RHEX: variants seen among roughly 807,000 people sequenced by gnomAD.
RHEX encodes the protein regulator of hemoglobinization and erythroid cell expansion.
RHEX carries 18 observed loss-of-function variants against 20.1 expected under a neutral mutation model. The observed-to-expected ratio is 0.90, with a 90% confidence interval of 0.62 to 1.33. The LOEUF is 1.33. Among genes scored for constraint, RHEX ranks in the 40% most tolerant of loss-of-function variants. The pLI, the probability that RHEX is intolerant of heterozygous loss-of-function variation, is 0.00. For synonymous variants in RHEX, 87 were observed against 77.1 expected (o/e 1.13, Z -0.67); for missense variants, 192 against 214.3 (o/e 0.90, Z 0.65).
At chr1:206,070,702 C>A (rs890289214) in intron 1 of RHEX, among the ~76,000 whole-genome samples, 8 of 152,116 alleles carry the variant, frequency 5.3e-5, no homozygotes, top group African/African-American at 1.9e-4. Flanking sequence ...AAGCAGACTG[C>A]CTTTAGTTGG....
At chr1:206,080,222 T>G (rs1456975634) in intron 1 of RHEX, 2 of 152,092 alleles carry the variant, frequency 1.3e-5, no homozygotes, top group East Asian at 3.8e-4. Context: ...GCATAGAGAG[T>G]AGGGTTTTTT....
intron 1 of RHEX, among the ~76,000 whole-genome samples, chr1:206,074,731 C>A (rs576612044): frequency 3.9e-5 from 6 of 152,318 alleles, no homozygotes; most frequent in African/African-American, 1.2e-4. Flanking sequence ...AAAGCTGGAA[C>A]TTTTTGGGTG....
intron 1 of RHEX, among the ~76,000 whole-genome samples, chr1:206,062,942 G>C (rs1662333930): frequency 6.6e-6 from 1 of 152,158 alleles, no homozygotes; most frequent in African/African-American, 2.4e-5. Context: ...TTACCTTCTA[G>C]AACGAACAAA....
chr1:206,055,113 C>T (rs1553282420), intron 1 of RHEX, among the ~76,000 whole-genome samples: 2 of 152,142 alleles, frequency 1.3e-5, no homozygotes, highest in South Asian at 2.1e-4. Context: ...TGCAGGGTAG[C>T]TATTTTCCAG....
intron 4 of RHEX, among the ~76,000 whole-genome samples, 190 bp downstream of exon 4, chr1:206,099,988 C>A (rs1663156331): frequency 6.6e-6 from 1 of 152,204 alleles, no homozygotes; most frequent in Non-Finnish European, 1.5e-5. Context: ...TGGGGAAGAT[C>A]ATTCTGAGTT....
In RHEX at chr1:206,053,232, A is replaced by C. The variant is rs1220515984; in HGVS notation, c.-130A>C. On this transcript the variant is annotated 5_prime_UTR_variant, in exon 1 of 6. Transcript: ENST00000331555. ...ACACAGTGGCTGAACACCGGGAAGG[A>C]ACTGGCACTTGGAGTCCGGACATCT... 6.5e-6 allele frequency: 1 copy of C among 152,776 alleles called. No individual in the cohort carries two copies. The highest frequency in any genetic ancestry group is 1.5e-5 in the Non-Finnish European group (1 of 68,474). The allele number at this position is 152,776 out of a possible 1,614,324, so 9.5% of individuals were successfully genotyped here.
At chr1:206,065,638 A>T (rs1379155160) in intron 1 of RHEX, among the ~76,000 whole-genome samples, 1 of 152,154 alleles carries the variant, frequency 6.6e-6, no homozygotes. Flanking sequence ...AATGGGCATG[A>T]TAGTTAGAGG....
intron 1 of RHEX, among the ~76,000 whole-genome samples, chr1:206,091,356 C>T (rs1440146107): frequency 6.6e-6 from 1 of 151,934 alleles, no homozygotes; most frequent in African/African-American, 2.4e-5. Context: ...CAGCATACAC[C>T]CTTGCTCTCA....
intron 1 of RHEX, among the ~76,000 whole-genome samples, chr1:206,086,737 G>T (rs931009867): frequency 6.6e-6 from 1 of 152,152 alleles, no homozygotes; most frequent in Admixed American, 6.5e-5. Flanking sequence ...GGCTGGGCAC[G>T]GTGGCTCACA....
At position 206,080,003 on chromosome 1, in the gene RHEX, G is replaced by A. The variant is rs145602137; in HGVS notation, c.-96-17730G>A. 6.1e-3 allele frequency among the ~76,000 whole-genome samples: 929 copies of A among 152,284 alleles called. 11 individuals carry two copies. The highest frequency in any genetic ancestry group is 0.018 in the South Asian group (89 of 4,826). ...CAGAAATACAGTTAAAAGGGCATGC[G>A]GCTACCAGAGGGGGCAAGCCTTATA... On this transcript the variant is annotated intron_variant, in intron 1 of 5. Transcript: ENST00000331555.
intron 1 of RHEX, among the ~76,000 whole-genome samples, chr1:206,066,151 C>G (rs561169221): frequency 6.6e-6 from 1 of 152,342 alleles, no homozygotes; most frequent in Admixed American, 6.5e-5. Flanking sequence ...CCTCCAGAGC[C>G]CTGGTCTTTA....
At chr1:206,097,610 CTGAAGCAAGTA>C in intron 1 of RHEX, 112 bp from the exon 2 acceptor site, 2 of 622,232 alleles carry the variant, frequency 3.2e-6, no homozygotes, top group Non-Finnish European at 5.7e-6. Context: ...AAAGTGGGGA[CTGAAGCAAGTA>C]TGATGAATAA....
At chr1:206,062,911 A>G (rs1211151768) in intron 1 of RHEX, among the ~76,000 whole-genome samples, 1 of 152,248 alleles carries the variant, frequency 6.6e-6, no homozygotes, top group East Asian at 1.9e-4. Context: ...CCCAACAGAC[A>G]AAGCCTTGTC....
intron 1 of RHEX, among the ~76,000 whole-genome samples, chr1:206,072,372 G>A (rs971233950): frequency 6.6e-6 from 1 of 152,132 alleles, no homozygotes; most frequent in African/African-American, 2.4e-5. Context: ...TCAAGAGTTC[G>A]AGACCATCCT....
chr1:206,086,817 T>C (rs552622153), intron 1 of RHEX, among the ~76,000 whole-genome samples: 142 of 152,208 alleles, frequency 9.3e-4, no homozygotes, highest in Middle Eastern at 6.8e-3. Flanking sequence ...GAGAACAGCC[T>C]GGGCAACATG....
rs538864188 is a variant in RHEX, at chr1:206,070,437, G to A, written c.-97+17172G>A. Among the ~76,000 whole-genome samples the A allele has an allele frequency of 6.6e-5, 10 of 152,248 alleles. No homozygotes were observed. The South Asian group carries it at 2.1e-3, about 32-fold the overall frequency. ...GACTGTTGTTATCTCTCCTGGGAAA[G>A]CATAATTCTGGAAGGCTCTGAACAT... On this transcript the variant is annotated intron_variant, in intron 1 of 5. Coordinates refer to ENST00000331555, the MANE Select transcript of RHEX (RefSeq NM_001007544.4).
rs146336160 is a variant in RHEX at position 206,085,299 on chromosome 1, C to T, written c.-96-12434C>T. Reference sequence around the variant, plus strand: ...TTTTTACGTACTGTGCTATGAATTGCGGAGTGTAATATATGCAGTCCCAGC... The same window carrying T: ...TTTTTACGTACTGTGCTATGAATTGTGGAGTGTAATATATGCAGTCCCAGC... On this transcript the variant is annotated intron_variant, in intron 1 of 5. Transcript: ENST00000331555. Among the ~76,000 whole-genome samples the T allele has an allele frequency of 9.3e-3, 1,411 of 152,196 alleles. 6 individuals are homozygous for T. The highest frequency in any genetic ancestry group is 0.015 in the Non-Finnish European group (998 of 67,992).
intron 3 of RHEX, 136 bp from the exon 4 acceptor site, chr1:206,099,519 A>G (rs1286883095): frequency 5.6e-6 from 4 of 715,262 alleles, no homozygotes; most frequent in Non-Finnish European, 9.1e-6. Context: ...GGGTTTCACC[A>G]TGTTGACCAG....
At position 206,086,192 on chromosome 1, in the gene RHEX, C is replaced by G. The variant is rs1272115283; in HGVS notation, c.-96-11541C>G. On this transcript the variant is annotated intron_variant, in intron 1 of 5. Coordinates refer to ENST00000331555, the MANE Select transcript of RHEX (RefSeq NM_001007544.4). ...CCATGGTTTCGTACACTGTGTTGCT[C>G]CCACCTGAAAATCATGAGTGGGCCC... Among the ~76,000 whole-genome samples the G allele has an allele frequency of 2.6e-5, 4 of 152,220 alleles. No homozygotes were observed. The East Asian group carries it at 7.7e-4, about 29-fold the overall frequency.
Sources: allele counts gnomAD v4.1 joint callset (sites outside exome capture counted in the v4.1 genomes callset), GRCh38; gene constraint gnomAD v4.1.1; transcripts MANE v1.5; gene names NCBI Gene and HGNC (gene_info 2026-07-23, HGNC 2026-07-21).